Variants in PTN observed in about 807,000 individuals in gnomAD.
The protein encoded by PTN is pleiotrophin.
A neutral mutation model predicts 24.1 loss-of-function variants in PTN; 18 were observed. That is an observed-to-expected ratio of 0.75 (90% CI 0.52 to 1.11). PTN has a LOEUF of 1.11. Among genes scored for constraint, PTN ranks in the 50% least tolerant of loss-of-function variants. The pLI is 0.00. For missense variants in PTN, 163 were observed against 198.8 expected, an observed-to-expected ratio of 0.82 and a Z score of 1.08; for synonymous variants, 78 against 68.6, an observed-to-expected ratio of 1.14 and a Z score of -0.67.
At chr7:137,266,851 G>C (rs35020763) in intron 1 of PTN, among the ~76,000 whole-genome samples, 15 of 140,002 alleles carry the variant, frequency 1.1e-4, no homozygotes, top group African/African-American at 3.9e-4. Flanking sequence ...AATTAACTTA[G>C]AATTTGTATA....
intron 4 of PTN, among the ~76,000 whole-genome samples, chr7:137,238,507 G>A (rs1003315758): frequency 1.3e-5 from 2 of 152,146 alleles, no homozygotes; most frequent in Admixed American, 6.5e-5. Flanking sequence ...AAATAACTCT[G>A]AATATGCTTA....
chr7:137,255,914 GGT>G (rs1808914491), intron 1 of PTN, among the ~76,000 whole-genome samples: 1 of 152,108 alleles, frequency 6.6e-6, no homozygotes, highest in South Asian at 2.1e-4. Context: ...CTGTGTTAGT[GGT>G]GTGTTATACT....
At chr7:137,335,133 T>C (rs1247437982) in intron 1 of PTN, among the ~76,000 whole-genome samples, 1 of 57,192 alleles carries the variant, frequency 1.7e-5, no homozygotes, top group East Asian at 5.5e-4. Context: ...GCATGGCACA[T>C]GTATACATAT....
At chr7:137,232,054 C>G (rs1426514365) in intron 4 of PTN, among the ~76,000 whole-genome samples, 1 of 151,838 alleles carries the variant, frequency 6.6e-6, no homozygotes, top group African/African-American at 2.4e-5. Flanking sequence ...GGATTCCTAC[C>G]CTGATGTGAA....
At chr7:137,309,244 C>A (rs528847492) in intron 1 of PTN, among the ~76,000 whole-genome samples, 10 of 152,292 alleles carry the variant, frequency 6.6e-5, no homozygotes, top group Non-Finnish European at 1.0e-4. Flanking sequence ...ATTAAGTGTG[C>A]AATAGCAGTA....
chr7:137,241,223 G>C (rs1279937983), intron 4 of PTN, among the ~76,000 whole-genome samples: 1 of 152,094 alleles, frequency 6.6e-6, no homozygotes, highest in African/African-American at 2.4e-5. Flanking sequence ...CAACACCTAG[G>C]AGTTAAAATT....
intron 4 of PTN, among the ~76,000 whole-genome samples, chr7:137,240,290 A>T (rs1808606197): frequency 6.6e-6 from 1 of 152,178 alleles, no homozygotes; most frequent in Non-Finnish European, 1.5e-5. Flanking sequence ...AGCACTTAAC[A>T]TACTGTGTGC....
rs764152209 is a variant in PTN, at chr7:137,253,557, T to G, written c.196A>C (p.Thr66Pro). The change falls in exon 3 of 5, where the codon ACA becomes CCA. Residue 66 changes from threonine (T) to proline (P), a missense_variant. Physicochemically the swap from Thr to Pro is conservative, Grantham distance 38 (BLOSUM62 -1). Coordinates refer to ENST00000348225, the MANE Select transcript of PTN (RefSeq NM_002825.7). ...VPTSGDCGLGTREGTRTGAEC... is the reference protein window; with the variant it reads ...VPTSGDCGLGPREGTRTGAEC... ...GCTCCAGTCCGAGTGCCCTCCCGTG[T>G]GCCCAGCCCACAGTCTCCACTGGTG... 6.2e-7 allele frequency: 1 copy of G among 1,612,420 alleles called. No homozygotes were observed. Among genetic ancestry groups the G allele is most frequent in the African/African-American group, 1.3e-5 (1 of 75,038 alleles).
At chr7:137,274,477 A>G (rs1809328606) in intron 1 of PTN, among the ~76,000 whole-genome samples, 1 of 152,056 alleles carries the variant, frequency 6.6e-6, no homozygotes, top group Non-Finnish European at 1.5e-5. Flanking sequence ...CCCGTCACCT[A>G]CATTAGGTAT....
At chr7:137,295,292 T>C (rs1182445034) in intron 1 of PTN, among the ~76,000 whole-genome samples, 1 of 152,176 alleles carries the variant, frequency 6.6e-6, no homozygotes, top group African/African-American at 2.4e-5. Context: ...AAATGTTCTT[T>C]TTTATTGCTT....
At chr7:137,235,425 C>A (rs1226626942) in intron 4 of PTN, among the ~76,000 whole-genome samples, 1 of 152,094 alleles carries the variant, frequency 6.6e-6, no homozygotes, top group African/African-American at 2.4e-5. Context: ...ACTGTTCATT[C>A]AATTTCCAAA....
intron 1 of PTN, among the ~76,000 whole-genome samples, chr7:137,290,341 G>A (rs1809621076): frequency 6.6e-6 from 1 of 152,136 alleles, no homozygotes; most frequent in Non-Finnish European, 1.5e-5. Flanking sequence ...AATACTTTTA[G>A]GAAACAAGGG....
chr7:137,304,068 C>G (rs1423696913), intron 1 of PTN, among the ~76,000 whole-genome samples: 3 of 151,994 alleles, frequency 2.0e-5, no homozygotes, highest in Non-Finnish European at 4.4e-5. Flanking sequence ...GGAAGATATG[C>G]AGCGTGGTTC....
intron 1 of PTN, among the ~76,000 whole-genome samples, chr7:137,333,467 C>A (rs902340429): frequency 4.6e-5 from 7 of 152,102 alleles, no homozygotes; most frequent in African/African-American, 1.7e-4. Flanking sequence ...GACTCTGAAG[C>A]AAAAAGCCCT....
At chr7:137,260,728 T>C (rs984935760) in intron 1 of PTN, among the ~76,000 whole-genome samples, 5 of 152,152 alleles carry the variant, frequency 3.3e-5, no homozygotes, top group Admixed American at 3.3e-4. Flanking sequence ...TGCAGAGGCT[T>C]AATCAGACTC....
chr7:137,296,848 C>T (rs1432377292), intron 1 of PTN, among the ~76,000 whole-genome samples: 1 of 151,972 alleles, frequency 6.6e-6, no homozygotes, highest in South Asian at 2.1e-4. Flanking sequence ...TCCACCAAAC[C>T]CCCCAAATCG....
chr7:137,236,188 C>A (rs770885938), intron 4 of PTN: 2 of 702,466 alleles, frequency 2.8e-6, no homozygotes, highest in Non-Finnish European at 5.2e-6. Context: ...CCCAAACACT[C>A]CTCTCTACCA....
intron 1 of PTN, among the ~76,000 whole-genome samples, chr7:137,323,167 A>G (rs561528529): frequency 4.6e-5 from 7 of 152,216 alleles, no homozygotes; most frequent in Non-Finnish European, 1.5e-5. Flanking sequence ...ATTGTGAGAC[A>G]GGGAGACAAC....
chr7:137,324,416 C>CT (rs1810217489), intron 1 of PTN, among the ~76,000 whole-genome samples: 2 of 18,606 alleles, frequency 1.1e-4, no homozygotes, highest in African/African-American at 2.9e-4. Context: ...GACCCTGTCT[C>CT]TAAAAAAAAA....
Sources: gnomAD v4.1 joint callset for allele counts (sites outside exome capture counted in the v4.1 genomes callset) on GRCh38, gnomAD v4.1.1 for gene constraint, MANE v1.5 for transcripts, NCBI Gene and HGNC (gene_info 2026-07-23, HGNC 2026-07-21) for gene names.